REPS2: variants seen among roughly 807,000 people sequenced by gnomAD.
REPS2 encodes RALBP1 associated Eps domain containing 2.
A neutral mutation model predicts 53.6 loss-of-function variants in REPS2; 23 were observed. The observed-to-expected ratio is 0.43, with a 90% confidence interval of 0.31 to 0.61. The LOEUF is 0.61. Ranked by LOEUF, REPS2 falls within the 20% of genes least tolerant of loss-of-function variation. REPS2 has a pLI of 0.11. For synonymous variants in REPS2, 238 were observed against 218.6 expected (o/e 1.09, Z -0.78); for missense variants, 446 against 534.9 (o/e 0.83, Z 1.64).
chrX:17,094,271 G>T (rs959245741), intron 13 of REPS2, among the ~76,000 whole-genome samples: 6 of 111,996 alleles, frequency 5.4e-5, no homozygotes, highest in African/African-American at 1.9e-4. Flanking sequence ...TGATGGAATT[G>T]TGCCAATGGA....
At chrX:16,986,925 T>TC (rs1229430451) in intron 1 of REPS2, among the ~76,000 whole-genome samples, 1 of 105,293 alleles carries the variant, frequency 9.5e-6, no homozygotes, top group Non-Finnish European at 2.0e-5. Flanking sequence ...TTTTTTTTTT[T>TC]CTGAGACAGG....
At chrX:17,193,248 G>A in the REPS2 span, among the ~76,000 whole-genome samples, 1 of 112,370 alleles carries the variant, frequency 8.9e-6, no homozygotes, top group Non-Finnish European at 1.9e-5. Context: ...TTTACACCTT[G>A]TCAGCACTTG....
At chrX:17,099,900 G>T (rs1183741022) in intron 13 of REPS2, 6 of 955,816 alleles carry the variant, frequency 6.3e-6, no homozygotes, top group Non-Finnish European at 9.0e-6. Flanking sequence ...AGCCTCATCA[G>T]AATTTTTCCC....
At chrX:17,115,784 C>T (rs185304767) in intron 14 of REPS2, among the ~76,000 whole-genome samples, 2 of 112,202 alleles carry the variant, frequency 1.8e-5, no homozygotes, top group East Asian at 2.8e-4. Context: ...CATCTTGCAC[C>T]GCCCTTAATC....
chrX:16,952,801 C>T lies in REPS2; in HGVS notation c.273+5667C>T, dbSNP rs184931479. Among the ~76,000 whole-genome samples, 19 of 111,519 alleles carry T rather than the reference C, an allele frequency of 1.7e-4. No individual in the cohort carries two copies. The East Asian group carries it at 4.7e-3, about 28-fold the overall frequency. ...TAGATCATATCATTTTGTAACTATA[C>T]TTTAGGGAAATAGAGGCCAGCATAT... is the stretch of plus-strand genomic sequence containing the variant. On this transcript the variant is annotated intron_variant, in intron 1 of 17. Coordinates refer to ENST00000357277, the MANE Select transcript of REPS2 (RefSeq NM_004726.3).
chrX:17,027,717 G>A (rs1463581874), intron 4 of REPS2, among the ~76,000 whole-genome samples: 2 of 87,673 alleles, frequency 2.3e-5, no homozygotes, highest in African/African-American at 9.1e-5. Context: ...GGTACTTCCA[G>A]TTCTTATTAA....
rs144817649 is a variant in REPS2 at position 17,062,525 on chromosome X, G to A, written c.1202G>A (p.Arg401Gln). The change falls in exon 9 of 18, where the codon CGG becomes CAG. Residue 401 changes from arginine (R) to glutamine (Q), a missense_variant. Physicochemically the swap from Arg to Gln is conservative, Grantham distance 43. Transcript: ENST00000357277. ...AATCAACAACCTCGTGACTTGAATC[G>A]GATGGAGGTAAAAGATCTTCATATG... Reference protein sequence around the residue: ...PANQQPRDLNRMEKTSVKDMA... With the variant: ...PANQQPRDLNQMEKTSVKDMA... 13 of 1,187,480 alleles carry A rather than the reference G, an allele frequency of 1.1e-5. No homozygotes were observed. The highest frequency in any genetic ancestry group is 5.3e-5 in the African/African-American group (3 of 56,694).
chrX:17,012,813 G>A (rs927796628), intron 2 of REPS2, among the ~76,000 whole-genome samples: 8 of 111,977 alleles, frequency 7.1e-5, no homozygotes, highest in African/African-American at 2.6e-4. Context: ...AACTGCTAAT[G>A]GGTAATAGTT....
chrX:16,961,728 T>G (rs1282286465), intron 1 of REPS2, among the ~76,000 whole-genome samples: 1 of 111,826 alleles, frequency 8.9e-6, no homozygotes, highest in African/African-American at 3.2e-5. Context: ...AAGAAAATAT[T>G]TGCGACCCAT....
intron 14 of REPS2, among the ~76,000 whole-genome samples, chrX:17,105,667 C>G (rs781214891): frequency 8.9e-6 from 1 of 111,886 alleles, no homozygotes; most frequent in African/African-American, 3.2e-5. Flanking sequence ...TATCAGCTGC[C>G]TAACTATGGA....
downstream of REPS2, among the ~76,000 whole-genome samples, chrX:17,155,727 A>G (rs2063608452): frequency 8.9e-6 from 1 of 112,054 alleles, no homozygotes; most frequent in Non-Finnish European, 1.9e-5. Flanking sequence ...CGTGGACCAA[A>G]CCTGCTAGTT....
intron 1 of REPS2, among the ~76,000 whole-genome samples, chrX:16,987,803 A>T (rs2061110209): frequency 8.9e-6 from 1 of 112,389 alleles, no homozygotes; most frequent in Non-Finnish European, 1.9e-5. Context: ...GACAACTCCT[A>T]ATTTAGATTT....
the REPS2 span, among the ~76,000 whole-genome samples, chrX:17,184,158 C>T: frequency 9.3e-6 from 1 of 107,242 alleles, no homozygotes; most frequent in East Asian, 3.0e-4. Flanking sequence ...AGGTATATCT[C>T]CCAGTGCTAT....
rs763382945 is a variant in REPS2, at chrX:17,057,547, C to G, written c.1114+2597C>G. Among the ~76,000 whole-genome samples the G allele has an allele frequency of 2.0e-3, 221 of 112,598 alleles. 1 individual carries two copies. The highest frequency in any genetic ancestry group is 6.7e-3 in the African/African-American group (207 of 31,023). ...ACTTGGATTTTGCTAACAATACCTGCTTTCTGCCTATTGCAGGCTGTAACT... is the reference window on the plus strand; with the variant it reads ...ACTTGGATTTTGCTAACAATACCTGGTTTCTGCCTATTGCAGGCTGTAACT... On this transcript the variant is annotated intron_variant, in intron 8 of 17. Transcript: ENST00000357277.
At position 17,102,034 on chromosome X, in the gene REPS2, TTATGTTATGTTATGTTATGTTATG is replaced by T. The variant is rs1569177881; in HGVS notation, c.1517-1682_1517-1659del. 3.9e-3 allele frequency among the ~76,000 whole-genome samples: 197 copies of T among 50,625 alleles called. 1 individual carries two copies. Among genetic ancestry groups the T allele is most frequent in the African/African-American group, 0.01 (189 of 18,128 alleles). The allele number at this position is 50,625 out of a possible 115,157, so 44.0% of individuals were successfully genotyped here. ...TAGATTTATTTTATTTTATTTTATG[TTATGTTATGTTATGTTATGTTATG>T]TTATGTTATGTTATGTTATGTTATT... On this transcript the variant is annotated intron_variant, in intron 13 of 17. Coordinates refer to ENST00000357277, the MANE Select transcript of REPS2 (RefSeq NM_004726.3).
chrX:17,154,920 A>G (rs967291215), downstream of REPS2, among the ~76,000 whole-genome samples: 5 of 111,772 alleles, frequency 4.5e-5, no homozygotes, highest in African/African-American at 1.6e-4. Context: ...GGAAGGCTTC[A>G]TGGAATAGTC....
At chrX:17,031,659 G>A (rs1041006601) in intron 5 of REPS2, among the ~76,000 whole-genome samples, 1 of 111,523 alleles carries the variant, frequency 9.0e-6, no homozygotes, top group African/African-American at 3.3e-5. Flanking sequence ...ATGGGCATGG[G>A]GTATGACCTA....
chrX:16,949,177 T>C (rs1408082332), intron 1 of REPS2, among the ~76,000 whole-genome samples: 2 of 111,226 alleles, frequency 1.8e-5, no homozygotes, highest in Non-Finnish European at 3.8e-5. Context: ...CAAACGTAGA[T>C]GTTTTTACCC....
At chrX:17,105,800 T>A (rs901196223) in intron 14 of REPS2, among the ~76,000 whole-genome samples, 1 of 112,320 alleles carries the variant, frequency 8.9e-6, no homozygotes, top group African/African-American at 3.2e-5. Flanking sequence ...ATATATGAAG[T>A]CCTGGGCAAT....
Sources: allele counts gnomAD v4.1 joint callset (sites outside exome capture counted in the v4.1 genomes callset), GRCh38; gene constraint gnomAD v4.1.1; transcripts MANE v1.5; gene names NCBI Gene and HGNC (gene_info 2026-07-23, HGNC 2026-07-21).